The following COP1 variants were observed in gnomAD, a reference collection of about 807,000 sequenced individuals.
The protein encoded by COP1 is E3 ubiquitin-protein ligase COP1.
A neutral mutation model predicts 101.3 loss-of-function variants in COP1; 24 were observed. That is an observed-to-expected ratio of 0.24 (90% CI 0.17 to 0.33). COP1 has a LOEUF of 0.33. COP1 is among the 10% of genes least tolerant of loss of function. COP1 has a pLI of 1.00. For synonymous variants in COP1, 347 were observed against 341.9 expected (o/e 1.01, Z -0.17); for missense variants, 663 against 906.2 (o/e 0.73, Z 3.45).
intron 15 of COP1, among the ~76,000 whole-genome samples, chr1:176,002,279 T>C (rs1254736352): frequency 6.6e-6 from 1 of 152,142 alleles, no homozygotes; most frequent in Admixed American, 6.5e-5. Flanking sequence ...CTTTTTTCTT[T>C]GTATTCTTTA....
At chr1:176,196,143 G>C (rs1458549385) in intron 1 of COP1, among the ~76,000 whole-genome samples, 1 of 152,184 alleles carries the variant, frequency 6.6e-6, no homozygotes, top group African/African-American at 2.4e-5. Context: ...AAATTGATAA[G>C]ATTAAGTGTT....
intron 15 of COP1, among the ~76,000 whole-genome samples, chr1:176,015,529 CAAT>C (rs1665476022): frequency 6.6e-6 from 1 of 152,042 alleles, no homozygotes; most frequent in Non-Finnish European, 1.5e-5. Flanking sequence ...GGAAGACATA[CAAT>C]AATTGAGCTG....
intron 5 of COP1, among the ~76,000 whole-genome samples, chr1:176,155,305 T>C (rs1693279942): frequency 1.3e-5 from 2 of 152,090 alleles, no homozygotes; most frequent in East Asian, 1.9e-4. Flanking sequence ...TCTCTCATCC[T>C]TGCTCCTAAA....
At chr1:176,088,756 G>A (rs1283757514) in intron 9 of COP1, among the ~76,000 whole-genome samples, 1 of 152,142 alleles carries the variant, frequency 6.6e-6, no homozygotes, top group African/African-American at 2.4e-5. Flanking sequence ...AGCATTTTGG[G>A]AGGCCAAGTT....
At chr1:176,092,011 T>C (rs1487718802) in intron 9 of COP1, among the ~76,000 whole-genome samples, 1 of 152,082 alleles carries the variant, frequency 6.6e-6, no homozygotes, top group Non-Finnish European at 1.5e-5. Context: ...AGCCACTGTA[T>C]ATGAGAAAAG....
Position 176,082,009 on chromosome 1 carries a change from G to A in COP1, c.1142-722C>T, listed in dbSNP as rs923525807. Among the ~76,000 whole-genome samples the A allele has an allele frequency of 2.0e-5, 3 of 152,132 alleles. No individual in the cohort carries two copies. The East Asian group carries it at 5.8e-4, about 29-fold the overall frequency. On this transcript the variant is annotated intron_variant, in intron 10 of 19. Coordinates refer to ENST00000367669, the MANE Select transcript of COP1 (RefSeq NM_022457.7). Reference sequence around the variant, plus strand: ...GTAAAGTCCACTTCAGTAAACTATTGGAAGATAAATCATGTGGAATTTAAA... The same window carrying A: ...GTAAAGTCCACTTCAGTAAACTATTAGAAGATAAATCATGTGGAATTTAAA...
intron 10 of COP1, among the ~76,000 whole-genome samples, chr1:176,084,330 T>A (rs1423154115): frequency 2.0e-5 from 3 of 152,020 alleles, no homozygotes; most frequent in Non-Finnish European, 4.4e-5. Flanking sequence ...AGAAAATGAG[T>A]TACTTTTTCC....
At chr1:176,063,047 GTT>G (rs34464104) in intron 11 of COP1, among the ~76,000 whole-genome samples, 2 of 90,588 alleles carry the variant, frequency 2.2e-5, no homozygotes, top group Non-Finnish European at 3.9e-5. Context: ...TTTTGAAAAT[GTT>G]TTTTTTTTTT....
intron 11 of COP1, among the ~76,000 whole-genome samples, chr1:176,049,463 T>A (rs1672156092): frequency 6.6e-6 from 1 of 152,044 alleles, no homozygotes; most frequent in East Asian, 1.9e-4. Flanking sequence ...GGTAACAAGA[T>A]CCTTTTATAC....
intron 1 of COP1, among the ~76,000 whole-genome samples, chr1:176,193,959 TAAAC>T: frequency 6.6e-6 from 1 of 152,340 alleles, no homozygotes; most frequent in South Asian, 2.1e-4. Flanking sequence ...CTCATTTTTT[TAAAC>T]AAAAGGAACA....
intron 9 of COP1, among the ~76,000 whole-genome samples, chr1:176,086,762 A>C (rs1370847865): frequency 2.0e-5 from 3 of 152,224 alleles, no homozygotes; most frequent in Admixed American, 6.5e-5. Context: ...AAACTACTTT[A>C]AAGTTCATAT....
chr1:176,053,477 GTTAA>G (rs750442755), intron 11 of COP1, among the ~76,000 whole-genome samples: 6 of 152,036 alleles, frequency 3.9e-5, no homozygotes, highest in African/African-American at 1.4e-4. Context: ...TTGCCTAATT[GTTAA>G]TTATTTTAAT....
At chr1:176,017,238 G>A (rs554505444) in intron 15 of COP1, 5 of 152,286 alleles carry the variant, frequency 3.3e-5, no homozygotes, top group African/African-American at 1.2e-4. Flanking sequence ...TAGACTGTGT[G>A]CCAAAAAGCA....
Position 176,043,800 on chromosome 1 carries a change from A to G in COP1, c.1440T>C (p.Ser480=). 1 of 1,592,848 alleles carries G rather than the reference A, an allele frequency of 6.3e-7. No individual in the cohort carries two copies. The highest frequency in any genetic ancestry group is 8.6e-7 in the Non-Finnish European group (1 of 1,161,202). The change falls in exon 13 of 20, where the codon AGT becomes AGC. Residue 480 remains serine, a synonymous_variant. Coordinates refer to ENST00000367669, the MANE Select transcript of COP1 (RefSeq NM_022457.7). ...TGCTAGCTAACAGGTTCTTATGGTA[A>G]CTACTCCAACTGATACAGCTGAAAG... ...NSKISCISWS[S]YHKNLLASSD...
chr1:176,043,585 TAC>T, intron 13 of COP1, 123 bp downstream of exon 13: 1 of 692,236 alleles, frequency 1.4e-6, no homozygotes, highest in Non-Finnish European at 2.6e-6. Flanking sequence ...GCATAGGTGT[TAC>T]ACAGGTATAA....
intron 1 of COP1, among the ~76,000 whole-genome samples, chr1:176,188,584 A>G (rs1558286417): frequency 2.0e-5 from 3 of 152,106 alleles, no homozygotes; most frequent in East Asian, 1.9e-4. Flanking sequence ...TGCTCACTTC[A>G]TATCTCTGTG....
At chr1:176,037,880 G>A (rs1195355412) in intron 14 of COP1, among the ~76,000 whole-genome samples, 6 of 152,166 alleles carry the variant, frequency 3.9e-5, no homozygotes, top group African/African-American at 1.4e-4. Context: ...CAGGAACAAA[G>A]CAAGAAAGGT....
Position 176,081,295 on chromosome 1 carries a change from A to C in COP1, c.1142-8T>G. ...TTGCAGTTCGACTGTCATCTATATG[A>C]AAAAAAAAAAAAAAAGACAAAACAG... On this transcript the variant is annotated splice_region_variant and splice_polypyrimidine_tract_variant and intron_variant, in intron 10 of 19. Coordinates refer to ENST00000367669, the MANE Select transcript of COP1 (RefSeq NM_022457.7). The C allele has an allele frequency of 4.7e-6, 1 of 214,670 alleles. No individual in the cohort carries two copies. The highest frequency in any genetic ancestry group is 8.1e-6 in the Non-Finnish European group (1 of 123,590). The allele number at this position is 214,670 out of a possible 1,614,324, so 13.3% of individuals were successfully genotyped here.
At chr1:176,206,403 C>A in intron 1 of COP1, 169 bp downstream of exon 1, 1 of 684,650 alleles carries the variant, frequency 1.5e-6, no homozygotes, top group Non-Finnish European at 2.4e-6. Context: ...ACCCCACCAA[C>A]CAGGAGCTCG....
Sources: allele counts gnomAD v4.1 joint callset (sites outside exome capture counted in the v4.1 genomes callset), GRCh38; gene constraint gnomAD v4.1.1; transcripts MANE v1.5; gene names NCBI Gene and HGNC (gene_info 2026-07-23, HGNC 2026-07-21).